CELF3: variants seen among roughly 807,000 people sequenced by gnomAD.
CELF3 encodes the protein CUGBP Elav-like family member 3.
Under a neutral mutation model 59.6 loss-of-function variants are expected in CELF3, and 26 were observed. The ratio of observed to expected loss-of-function variants is 0.44; its 90% CI spans 0.32 to 0.61. CELF3 has a LOEUF of 0.61. CELF3 is among the 20% of genes least tolerant of loss of function. CELF3 has a pLI of 0.06. For synonymous variants in CELF3, 245 were observed against 250.7 expected (o/e 0.98, Z 0.22); for missense variants, 387 against 627.2 (o/e 0.62, Z 4.09).
At position 151,707,285 on chromosome 1, in the gene CELF3, G is replaced by GTGC. The variant is rs1558101333; in HGVS notation, c.779_781dup (p.Ser260dup). On this transcript the variant is annotated inframe_insertion, in exon 8 of 13. Coordinates refer to ENST00000290583, the MANE Select transcript of CELF3 (RefSeq NM_007185.7). Reference sequence around the variant, plus strand: ...AGGCGTGGCAGCGATGGCAGGAGGGGTGCTGGTTCCTGGGGAGGAGAAAGC... The same window carrying GTGC: ...AGGCGTGGCAGCGATGGCAGGAGGGGTGCTGCTGGTTCCTGGGGAGGAGAAAGC... 6.4e-7 allele frequency: 1 copy of GTGC among 1,570,692 alleles called. No homozygotes were observed. The highest frequency in any genetic ancestry group is 8.6e-7 in the Non-Finnish European group (1 of 1,159,682).
At chr1:151,714,079 T>A (rs1673252572) in intron 2 of CELF3, among the ~76,000 whole-genome samples, 1 of 152,180 alleles carries the variant, frequency 6.6e-6, no homozygotes, top group Non-Finnish European at 1.5e-5. Flanking sequence ...TCTGTGGCTC[T>A]GTTCCTGGGA....
rs1212644336 is a variant in CELF3, at chr1:151,702,659, TAAGAG to T, written c.*795_*799del. 1 of 151,732 alleles carries T rather than the reference TAAGAG, an allele frequency of 6.6e-6. No individual in the cohort carries two copies. Among genetic ancestry groups the T allele is most frequent in the Non-Finnish European group, 1.5e-5 (1 of 68,474 alleles). 9.4% of individuals were successfully genotyped at this position (151,732 alleles called of 1,614,324 possible). A position where few individuals can be genotyped will look rare whatever the true frequency, so the allele number is the denominator to read the frequency against. Reference sequence around the variant, plus strand: ...TACCCCCCAAAGCAAAGGGAGAAATTAAGAGAGAGAAAAAAATCCAAGGGCAACAT... The same window carrying T: ...TACCCCCCAAAGCAAAGGGAGAAATTAGAGAAAAAAATCCAAGGGCAACAT... On this transcript the variant is annotated 3_prime_UTR_variant, in exon 13 of 13. Coordinates refer to ENST00000290583, the MANE Select transcript of CELF3 (RefSeq NM_007185.7).
rs1672860204 is a variant in CELF3 at position 151,709,727 on chromosome 1, A to G, written c.277+16T>C. 3 of 1,613,766 alleles carry G rather than the reference A, an allele frequency of 1.9e-6. No homozygotes were observed. Among genetic ancestry groups the G allele is most frequent in the Admixed American group, 3.3e-5 (2 of 60,020 alleles). On this transcript the variant is annotated intron_variant, in intron 3 of 12. Transcript: ENST00000290583. This position sits in a 1 kb window ranked among gnomAD's most constrained non-coding sequence, Gnocchi z 4.9. Reference sequence around the variant, plus strand: ...GGTGGGAGGAGAGGGACAGAGTCCAAAGGCACAGAACCTACCTCCTCGGCT... The same window carrying G: ...GGTGGGAGGAGAGGGACAGAGTCCAGAGGCACAGAACCTACCTCCTCGGCT...
intron 2 of CELF3, among the ~76,000 whole-genome samples, chr1:151,713,911 G>A (rs11807133): frequency 0.028 from 4,327 of 152,236 alleles, 197 homozygotes; most frequent in African/African-American, 0.097. Flanking sequence ...TTGCAGGAGA[G>A]GGGCCACCTC....
At chr1:151,714,762 G>A (rs1166755643) in intron 1 of CELF3, 86 bp from the exon 2 acceptor site, 23 of 959,398 alleles carry the variant, frequency 2.4e-5, no homozygotes, top group Admixed American at 4.2e-5. Flanking sequence ...AAAGACTGAC[G>A]ACTGGGAAGC....
Position 151,705,059 on chromosome 1 carries a change from A to T in CELF3, c.1380T>A (p.Asp460Glu). 6.2e-7 allele frequency: 1 copy of T among 1,613,454 alleles called. No homozygotes were observed. Among genetic ancestry groups the T allele is most frequent in the Non-Finnish European group, 8.5e-7 (1 of 1,179,486 alleles). Residue 460 changes from aspartate (D) to glutamate (E), a missense_variant, in exon 12 of 13, where the codon GAT (aspartate) becomes GAA (glutamate). This residue lies in a region of CELF3 where 48 missense variants were observed against 118.8 expected (regional missense o/e 0.40). Coordinates refer to ENST00000290583, the MANE Select transcript of CELF3 (RefSeq NM_007185.7). The surrounding 1 kb of genome is among the most constrained non-coding windows in gnomAD (Gnocchi z 5.1). Reference protein sequence around the residue: ...RLKVQLKRPKDANRPY With the variant: ...RLKVQLKRPKEANRPY ...GGGGCCCTCAGTAGGGCCGGTTGGC[A>T]TCCTTAGGCCGCTTTAGCTGGACTT... is the stretch of plus-strand genomic sequence containing the variant.
chr1:151,713,313 C>A (rs1673185578), intron 2 of CELF3, among the ~76,000 whole-genome samples: 1 of 152,196 alleles, frequency 6.6e-6, no homozygotes, highest in South Asian at 2.1e-4. Flanking sequence ...GCCTGAGCTG[C>A]CAGGCAGCTG....
At chr1:151,711,428 C>T (rs1673003225) in intron 2 of CELF3, 1 of 152,452 alleles carries the variant, frequency 6.6e-6, no homozygotes, top group Non-Finnish European at 1.5e-5. Context: ...ACTGATACTC[C>T]TTTCCCAGGG....
chr1:151,712,288 A>G (rs756405845), intron 2 of CELF3, among the ~76,000 whole-genome samples: 9 of 152,158 alleles, frequency 5.9e-5, no homozygotes, highest in Non-Finnish European at 1.3e-4. Flanking sequence ...CCCCTCCACC[A>G]CGGTCACTTT....
chr1:151,712,445 A>G (rs1673104350), intron 2 of CELF3, among the ~76,000 whole-genome samples: 2 of 152,106 alleles, frequency 1.3e-5, no homozygotes, highest in African/African-American at 4.8e-5. Flanking sequence ...CAGACCACTC[A>G]CAGGTTCTCT....
rs1159831225 is a variant in CELF3, at chr1:151,709,176, G to A, written c.406+44C>T. The stretch of plus-strand genomic sequence containing the variant: ...CTAGGGAGTCTTGGGGGTGGAACAG[G>A]AAGGGGAAGGGCCCGGTGGGGAAGG... On this transcript the variant is annotated intron_variant, in intron 4 of 12. Transcript: ENST00000290583. The surrounding 1 kb of genome is among the most constrained non-coding windows in gnomAD (Gnocchi z 4.9). The A allele has an allele frequency of 1.2e-6, 2 of 1,609,636 alleles. No individual in the cohort carries two copies. The highest frequency in any genetic ancestry group is 2.2e-5 in the South Asian group (2 of 90,926).
At chr1:151,706,442 T>G (rs1672547207) in intron 9 of CELF3, 81 bp from the exon 10 acceptor site, 15 of 1,418,558 alleles carry the variant, frequency 1.1e-5, no homozygotes, top group African/African-American at 1.4e-5. Flanking sequence ...TCCCTTCCCC[T>G]AGCCCAGGCC....
Position 151,705,717 on chromosome 1 carries a change from A to G in CELF3, c.1270+105T>C, listed in dbSNP as rs1055212682. ...GGCTCTTTTGTACTCTTGGATAATCAGTATTTCAAATACTGGGTCCACTGT... is the reference window on the plus strand; with the variant it reads ...GGCTCTTTTGTACTCTTGGATAATCGGTATTTCAAATACTGGGTCCACTGT... On this transcript the variant is annotated intron_variant, in intron 11 of 12. Coordinates refer to ENST00000290583, the MANE Select transcript of CELF3 (RefSeq NM_007185.7). This position sits in a 1 kb window ranked among gnomAD's most constrained non-coding sequence, Gnocchi z 5.1. The G allele has an allele frequency of 6.4e-6, 8 of 1,252,880 alleles. No homozygotes were observed. Among genetic ancestry groups the G allele is most frequent in the Admixed American group, 2.0e-5 (1 of 49,180 alleles). The allele number at this position is 1,252,880 out of a possible 1,614,324, so 77.6% of individuals were successfully genotyped here.
intron 2 of CELF3, chr1:151,713,468 G>T (rs1288068084): frequency 6.6e-5 from 10 of 152,232 alleles, no homozygotes; most frequent in African/African-American, 2.2e-4. Context: ...CATTTCTGCA[G>T]GGGCTCTGAG....
chr1:151,714,852 A>C (rs1382347683), intron 1 of CELF3, among the ~76,000 whole-genome samples, 176 bp from the exon 2 acceptor site: 1 of 152,078 alleles, frequency 6.6e-6, no homozygotes, highest in Non-Finnish European at 1.5e-5. Context: ...GAAGTGGGGC[A>C]GACACCTGGA....
chr1:151,716,568 C>G lies in CELF3; in HGVS notation c.-548G>C. 2.9e-6 allele frequency: 1 copy of G among 343,856 alleles called. No homozygotes were observed. 21.3% of individuals were successfully genotyped at this position (343,856 alleles called of 1,614,324 possible). Reference sequence around the variant, plus strand: ...ACCTCCCCTGTGGCGGATCCTTCTGCTGGGTCCGAAGATCCCTGATGCCAG... The same window carrying G: ...ACCTCCCCTGTGGCGGATCCTTCTGGTGGGTCCGAAGATCCCTGATGCCAG... On this transcript the variant is annotated 5_prime_UTR_variant, in exon 1 of 13. Transcript: ENST00000290583.
intron 2 of CELF3, among the ~76,000 whole-genome samples, chr1:151,714,168 G>C (rs148795512): frequency 1.3e-5 from 2 of 152,130 alleles, no homozygotes; most frequent in African/African-American, 2.4e-5. Flanking sequence ...CCAGCTGCCT[G>C]TTCTCTGGGC....
At chr1:151,714,515 A>G (rs1409601921) in intron 2 of CELF3, 79 bp downstream of exon 2, 24 of 992,330 alleles carry the variant, frequency 2.4e-5, no homozygotes, top group Non-Finnish European at 2.2e-5. Flanking sequence ...AATTATGCTC[A>G]GTGTCAGGAG....
At chr1:151,714,772 C>A in intron 1 of CELF3, 96 bp from the exon 2 acceptor site, 1 of 868,024 alleles carries the variant, frequency 1.2e-6, no homozygotes, top group Non-Finnish European at 1.9e-6. Context: ...GACTGGGAAG[C>A]TTTCCCTTCT....
Sources: gnomAD v4.1 joint callset for allele counts (sites outside exome capture counted in the v4.1 genomes callset) on GRCh38, gnomAD v4.1.1 for gene constraint, gnomAD v4.1.1 regional missense constraint, Gnocchi (gnomAD v3.1) non-coding constraint, MANE v1.5 for transcripts, NCBI Gene and HGNC (gene_info 2026-07-23, HGNC 2026-07-21) for gene names.